SNX29: variants seen among roughly 807,000 people sequenced by gnomAD.
The protein encoded by SNX29 is sorting nexin-29.
SNX29 carries 78 observed loss-of-function variants against 102.1 expected under a neutral mutation model. The ratio of observed to expected loss-of-function variants is 0.76; its 90% CI spans 0.64 to 0.92. SNX29 has a LOEUF of 0.92. Ranked by LOEUF, SNX29 falls within the 40% of genes least tolerant of loss-of-function variation. SNX29 has a pLI of 0.00. For missense variants in SNX29, 1,280 were observed against 1,061.7 expected, an observed-to-expected ratio of 1.21 and a Z score of -2.86; for synonymous variants, 580 against 414.5, an observed-to-expected ratio of 1.40 and a Z score of -4.85.
chr16:12,333,553 G>A (rs527725797), intron 15 of SNX29, among the ~76,000 whole-genome samples: 2 of 152,196 alleles, frequency 1.3e-5, no homozygotes, highest in African/African-American at 4.8e-5. Flanking sequence ...GTGTACCTTT[G>A]TTCATTCAAC....
At chr16:12,195,179 A>G (rs2076743272) in intron 13 of SNX29, among the ~76,000 whole-genome samples, 1 of 152,188 alleles carries the variant, frequency 6.6e-6, no homozygotes, top group South Asian at 2.1e-4. Flanking sequence ...GTGTGTATAT[A>G]CGTAATATTC....
chr16:12,036,714 G>A (rs2057486185), intron 4 of SNX29, among the ~76,000 whole-genome samples: 1 of 152,030 alleles, frequency 6.6e-6, no homozygotes, highest in South Asian at 2.1e-4. Context: ...ACATTGATGA[G>A]ACACCCCTCA....
At chr16:12,397,609 TA>T (rs1384241083) in intron 16 of SNX29, among the ~76,000 whole-genome samples, 1 of 152,234 alleles carries the variant, frequency 6.6e-6, no homozygotes, top group Non-Finnish European at 1.5e-5. Context: ...CTTAAAATTT[TA>T]GCCAATTTAG....
chr16:12,072,070 G>A, intron 10 of SNX29, among the ~76,000 whole-genome samples: 1 of 152,220 alleles, frequency 6.6e-6, no homozygotes, highest in Non-Finnish European at 1.5e-5. Flanking sequence ...ATTTTGGGCT[G>A]AGACAATGGG....
At chr16:12,234,934 TTCTC>T (rs1264496854) in intron 14 of SNX29, among the ~76,000 whole-genome samples, 1 of 151,308 alleles carries the variant, frequency 6.6e-6, no homozygotes, top group Non-Finnish European at 1.5e-5. Flanking sequence ...GCCTTTATGT[TTCTC>T]TCTCCTTTTC....
chr16:12,051,918 G>T lies in SNX29; in HGVS notation c.820G>T (p.Asp274Tyr). Reference sequence around the variant, plus strand: ...CATAATCTCATTTGATGATGAGGAAGATGAGCAGAACTCTGGGGACGTGTT... The same window carrying T: ...CATAATCTCATTTGATGATGAGGAATATGAGCAGAACTCTGGGGACGTGTT... ...TNIISFDDEE[D>Y]EQNSGDVFKK... The change falls in exon 8 of 21, where the codon GAT (aspartate) becomes TAT (tyrosine). Residue 274 changes from aspartate to tyrosine, a missense_variant. Asp to Tyr is a radical substitution (Grantham distance 160). Coordinates refer to ENST00000566228, the MANE Select transcript of SNX29 (RefSeq NM_032167.5). The T allele has an allele frequency of 6.2e-7, 1 of 1,613,420 alleles. No individual in the cohort carries two copies. Among genetic ancestry groups the T allele is most frequent in the African/African-American group, 1.3e-5 (1 of 74,814 alleles).
rs113026639 is a variant in SNX29 at position 12,366,379 on chromosome 16, G to A, written c.1899+10100G>A. On this transcript the variant is annotated intron_variant, in intron 16 of 20. Transcript: ENST00000566228. ...GAAGATGGTCATGGAGCTATTTTCC[G>A]ACGAGTGCATCTGGGAAAGGTAGGG... Among the ~76,000 whole-genome samples, 753 of 152,324 alleles carry A rather than the reference G, an allele frequency of 4.9e-3. 5 individuals are homozygous for A. The highest frequency in any genetic ancestry group is 0.017 in the African/African-American group (725 of 41,564).
At position 12,195,650 on chromosome 16, in the gene SNX29, T is replaced by A. The variant is rs116786463; in HGVS notation, c.1596-3951T>A. On this transcript the variant is annotated intron_variant, in intron 13 of 20. Coordinates refer to ENST00000566228, the MANE Select transcript of SNX29 (RefSeq NM_032167.5). Reference sequence around the variant, plus strand: ...GACCTGTGCTCGTTTTCTCACGCAATTTTTCAAGGCCTTACGTTTTCAATG... The same window carrying A: ...GACCTGTGCTCGTTTTCTCACGCAAATTTTCAAGGCCTTACGTTTTCAATG... 4.3e-3 allele frequency among the ~76,000 whole-genome samples: 658 copies of A among 152,338 alleles called. 7 individuals carry two copies. The highest frequency in any genetic ancestry group is 0.015 in the African/African-American group (616 of 41,570).
intron 20 of SNX29, among the ~76,000 whole-genome samples, chr16:12,530,627 C>T (rs180820995): frequency 4.1e-4 from 62 of 152,114 alleles, no homozygotes; most frequent in African/African-American, 5.1e-4. Context: ...GCAATCTCAG[C>T]TCACTGCAAT....
At chr16:12,407,175 G>A (rs1156584373) in intron 18 of SNX29, among the ~76,000 whole-genome samples, 1 of 151,958 alleles carries the variant, frequency 6.6e-6, no homozygotes, top group East Asian at 1.9e-4. Context: ...AAGGGCCCCC[G>A]CTTTTTCAGC....
intron 19 of SNX29, among the ~76,000 whole-genome samples, chr16:12,483,143 T>TTTTTTTTTG (rs2088046727): frequency 7.5e-6 from 1 of 133,370 alleles, no homozygotes; most frequent in Admixed American, 7.6e-5. Context: ...TTTTTTTTTT[T>TTTTTTTTTG]GGAGACAGCA....
chr16:11,991,000 C>G (rs911144708), intron 1 of SNX29, among the ~76,000 whole-genome samples: 5 of 152,162 alleles, frequency 3.3e-5, no homozygotes, highest in African/African-American at 1.2e-4. Flanking sequence ...TGACAGCAAC[C>G]CTTTGGCCCA....
chr16:12,424,755 G>A (rs749954551), intron 18 of SNX29, among the ~76,000 whole-genome samples: 13 of 152,212 alleles, frequency 8.5e-5, no homozygotes, highest in African/African-American at 1.4e-4. Flanking sequence ...CTTCTCCTCC[G>A]TCTCTCCCCT....
In SNX29 at chr16:12,574,183, ATT is replaced by A. The variant is rs1405485104; in HGVS notation, c.*5557_*5558del. The A allele has an allele frequency of 5.6e-6, 1 of 179,204 alleles. No homozygotes were observed. The highest frequency in any genetic ancestry group is 2.4e-5 in the African/African-American group (1 of 42,308). The allele number at this position is 179,204 out of a possible 1,614,324, so 11.1% of individuals were successfully genotyped here. A position where few individuals can be genotyped will look rare whatever the true frequency, so the allele number is the denominator to read the frequency against. On this transcript the variant is annotated 3_prime_UTR_variant, in exon 21 of 21. Coordinates refer to ENST00000566228, the MANE Select transcript of SNX29 (RefSeq NM_032167.5). ...ATTTTTTAAGATCTCTTGTATTAAA[ATT>A]TTCTTTTGGAATAAGCTGTGGAAAT...
At chr16:11,996,855 C>G (rs2056092902) in intron 1 of SNX29, among the ~76,000 whole-genome samples, 2 of 152,180 alleles carry the variant, frequency 1.3e-5, no homozygotes, top group Admixed American at 1.3e-4. Flanking sequence ...CTTGAGATGC[C>G]TCATGGCTGG....
rs2087716629 is a variant in SNX29, at chr16:12,477,631, G to A, written c.2038-88G>A. 8 of 1,502,356 alleles carry A rather than the reference G, an allele frequency of 5.3e-6. No individual in the cohort carries two copies. The Admixed American group carries it at 6.1e-5, about 12-fold the overall frequency. The allele number at this position is 1,502,356 out of a possible 1,614,324, so 93.1% of individuals were successfully genotyped here. On this transcript the variant is annotated intron_variant, in intron 18 of 20. Coordinates refer to ENST00000566228, the MANE Select transcript of SNX29 (RefSeq NM_032167.5). The stretch of plus-strand genomic sequence containing the variant: ...TGACACAGATGTGACTCTTGCTGCA[G>A]TTGGTTTTCATGGGGAAAGCATAGC...
intron 15 of SNX29, among the ~76,000 whole-genome samples, chr16:12,339,426 G>C (rs2151249976): frequency 6.7e-6 from 1 of 149,074 alleles, no homozygotes; most frequent in Non-Finnish European, 1.5e-5. Flanking sequence ...TGTGAGTGGA[G>C]GTGTTGAAGC....
intron 13 of SNX29, among the ~76,000 whole-genome samples, chr16:12,152,017 G>C (rs2055322838): frequency 7.2e-6 from 1 of 138,224 alleles, no homozygotes; most frequent in Non-Finnish European, 1.6e-5. Flanking sequence ...TCAGGAGTTT[G>C]AGACCAGCCT....
chr16:12,421,913 G>GTCCATCACCATCATCATCCGTCCATCA (rs2084888740), intron 18 of SNX29, among the ~76,000 whole-genome samples: 1 of 70,508 alleles, frequency 1.4e-5, no homozygotes, highest in African/African-American at 3.0e-5. Context: ...ATCACCAGCC[G>GTCCATCACCATCATCATCCGTCCATCA]TCCATCACCA....
Sources: gnomAD v4.1 joint callset for allele counts (sites outside exome capture counted in the v4.1 genomes callset) on GRCh38, gnomAD v4.1.1 for gene constraint, MANE v1.5 for transcripts, NCBI Gene and HGNC (gene_info 2026-07-23, HGNC 2026-07-21) for gene names.